The following SNX16 variants were observed in gnomAD, a reference collection of about 807,000 sequenced individuals.
The protein encoded by SNX16 is sorting nexin-16.
A neutral mutation model predicts 36.7 loss-of-function variants in SNX16; 35 were observed. That is an observed-to-expected ratio of 0.95 (90% confidence interval 0.73 to 1.27). SNX16 has a LOEUF of 1.27. Ranked by LOEUF, SNX16 falls within the 50% of genes most tolerant of loss-of-function variation. The pLI is 0.00. For synonymous variants in SNX16, 134 were observed against 132.0 expected, an observed-to-expected ratio of 1.02 and a Z score of -0.10; for missense variants, 367 against 393.6, an observed-to-expected ratio of 0.93 and a Z score of 0.57.
chr8:81,813,529 AAG>A (rs140676724), intron 5 of SNX16, among the ~76,000 whole-genome samples: 37,003 of 151,528 alleles, frequency 0.24, 5,113 homozygotes, highest in East Asian at 0.37. Context: ...GGGTTAGGCA[AAG>A]AGTTTTTATA....
At chr8:81,818,087 T>C (rs1455228412) in intron 4 of SNX16, among the ~76,000 whole-genome samples, 6 of 152,052 alleles carry the variant, frequency 3.9e-5, no homozygotes, top group Non-Finnish European at 8.8e-5. Context: ...GTTTAAAGAG[T>C]TTTACCGTAT....
chr8:81,802,005 T>G (rs897725488), intron 7 of SNX16, among the ~76,000 whole-genome samples: 14 of 151,706 alleles, frequency 9.2e-5, no homozygotes, highest in African/African-American at 2.9e-4. Flanking sequence ...GTAAGAAGGG[T>G]GGTTTGCTAT....
chr8:81,810,293 G>A (rs1810176855), intron 5 of SNX16, among the ~76,000 whole-genome samples: 1 of 152,056 alleles, frequency 6.6e-6, no homozygotes, highest in South Asian at 2.1e-4. Context: ...AAGTATATGA[G>A]GGGTAGAAAT....
chr8:81,800,959 T>C lies in SNX16; in HGVS notation c.*538A>G, dbSNP rs1372482809. On this transcript the variant is annotated 3_prime_UTR_variant, in exon 8 of 8. Transcript: ENST00000345957. ...AGAAAGTCATTTTTCTAAAGAGCAT[T>C]AACATTTCAAATAAGCAAATTTTAT... The C allele has an allele frequency of 6.6e-6, 1 of 152,180 alleles. No individual in the cohort carries two copies. Among genetic ancestry groups the C allele is most frequent in the Non-Finnish European group, 1.5e-5 (1 of 67,662 alleles). The allele number at this position is 152,180 out of a possible 1,614,324, so 9.4% of individuals were successfully genotyped here.
intron 4 of SNX16, chr8:81,815,623 G>A: frequency 5.4e-6 from 2 of 372,520 alleles, no homozygotes; most frequent in East Asian, 4.9e-5. Context: ...ACAAACTATG[G>A]GGCATAAAAC....
chr8:81,833,170 TTC>T (rs1811343451), intron 2 of SNX16, among the ~76,000 whole-genome samples: 1 of 140,038 alleles, frequency 7.1e-6, no homozygotes, highest in African/African-American at 2.5e-5. Flanking sequence ...TTTCACCTAT[TTC>T]TTTTTTTTTT....
chr8:81,805,151 T>C (rs1320344991), intron 5 of SNX16, among the ~76,000 whole-genome samples: 1 of 151,926 alleles, frequency 6.6e-6, no homozygotes, highest in Non-Finnish European at 1.5e-5. Context: ...CAGAACACTG[T>C]CAACAATAAC....
intron 5 of SNX16, among the ~76,000 whole-genome samples, chr8:81,807,518 C>CAAAAAAAAAAAAAA (rs71268027): frequency 8.1e-5 from 4 of 49,326 alleles, no homozygotes; most frequent in African/African-American, 7.7e-5. Context: ...GACTCTGTCT[C>CAAAAAAAAAAAAAA]AAAAAAAAAA....
Position 81,800,379 on chromosome 8 carries a change from A to C in SNX16, c.*1118T>G, listed in dbSNP as rs1809632645. 6.6e-6 allele frequency: 1 copy of C among 152,146 alleles called. No individual in the cohort carries two copies. Among genetic ancestry groups the C allele is most frequent in the Non-Finnish European group, 1.5e-5 (1 of 67,722 alleles). 9.4% of individuals were successfully genotyped at this position (152,146 alleles called of 1,614,324 possible). Reference sequence around the variant, plus strand: ...GTACACAAAGCTGAAATAAACAAACATTTTTTCATAAAGCTGACTCAAAGA... The same window carrying C: ...GTACACAAAGCTGAAATAAACAAACCTTTTTTCATAAAGCTGACTCAAAGA... On this transcript the variant is annotated 3_prime_UTR_variant, in exon 8 of 8. Coordinates refer to ENST00000345957, the MANE Select transcript of SNX16 (RefSeq NM_152836.3).
At chr8:81,803,040 G>A (rs1432492200) in intron 6 of SNX16, 52 bp downstream of exon 6, 4 of 1,435,550 alleles carry the variant, frequency 2.8e-6, no homozygotes, top group Middle Eastern at 3.6e-4. Flanking sequence ...AGTTAGCCCA[G>A]AGTATTAAGG....
intron 2 of SNX16, among the ~76,000 whole-genome samples, chr8:81,829,785 C>T (rs961078670): frequency 6.6e-6 from 1 of 152,056 alleles, no homozygotes; most frequent in African/African-American, 2.4e-5. Flanking sequence ...GCTTCCAAAA[C>T]ATGATTTATG....
chr8:81,807,164 A>C (rs1809991679), intron 5 of SNX16, among the ~76,000 whole-genome samples: 1 of 152,152 alleles, frequency 6.6e-6, no homozygotes, highest in Non-Finnish European at 1.5e-5. Flanking sequence ...CCAGTTAATA[A>C]GATTATTTAA....
At chr8:81,816,956 AGTTGGCTGATAGCACAGAATAGAACAAGG>A in intron 4 of SNX16, among the ~76,000 whole-genome samples, 1 of 152,210 alleles carries the variant, frequency 6.6e-6, no homozygotes, top group Non-Finnish European at 1.5e-5. Context: ...AGAAAACTGC[AGTTGGCTGATAGCACAGAATAGAACAAGG>A]TCTTCTGATG....
In SNX16 at chr8:81,829,524, C is replaced by T; in HGVS notation, c.376-8G>A. The T allele has an allele frequency of 8.0e-7, 1 of 1,254,026 alleles. No individual in the cohort carries two copies. The highest frequency in any genetic ancestry group is 1.1e-6 in the Non-Finnish European group (1 of 942,366). 77.7% of individuals were successfully genotyped at this position (1,254,026 alleles called of 1,614,324 possible). On this transcript the variant is annotated splice_region_variant and splice_polypyrimidine_tract_variant and intron_variant, in intron 2 of 7. Coordinates refer to ENST00000345957, the MANE Select transcript of SNX16 (RefSeq NM_152836.3). ...TACTAGTATTTTATATACCTATGCA[C>T]AGGAAGAAAAACAGACGGAGAGAAA...
chr8:81,812,890 G>A (rs1030371077), intron 5 of SNX16, among the ~76,000 whole-genome samples: 1 of 151,848 alleles, frequency 6.6e-6, no homozygotes, highest in African/African-American at 2.4e-5. Context: ...GGGAGGAAAC[G>A]GAGAGATATT....
At chr8:81,801,695 A>ACAGT (rs61516400) in intron 7 of SNX16, 102 bp from the exon 8 acceptor site, 9 of 650,036 alleles carry the variant, frequency 1.4e-5, no homozygotes, top group African/African-American at 1.1e-4. Context: ...CCTTATAGAA[A>ACAGT]ATTTACATAC....
At position 81,803,109 on chromosome 8, in the gene SNX16, A is replaced by C. The variant is rs186184806; in HGVS notation, c.801T>G (p.Thr267=). Residue 267 remains threonine (T), a synonymous_variant, in exon 6 of 8, where the codon ACT becomes ACG. Coordinates refer to ENST00000345957, the MANE Select transcript of SNX16 (RefSeq NM_152836.3). ...CAACACACCTGATTCTGTTCTCTAAAGTGTCTATATGAAGTTGCTTCTCAC... is the reference window on the plus strand; with the variant it reads ...CAACACACCTGATTCTGTTCTCTAACGTGTCTATATGAAGTTGCTTCTCAC... The part of the protein sequence containing the change: ...LLSEKQLHID[T]LENRIRTLSL... 19 of 1,608,404 alleles carry C rather than the reference A, an allele frequency of 1.2e-5. No individual in the cohort carries two copies. The highest frequency in any genetic ancestry group is 6.8e-5 in the Admixed American group (4 of 59,060).
chr8:81,815,497 G>A, intron 4 of SNX16, 103 bp from the exon 5 acceptor site: 3 of 783,744 alleles, frequency 3.8e-6, no homozygotes, highest in South Asian at 1.9e-5. Flanking sequence ...TAAACAAGTT[G>A]GTTATGTGTT....
At chr8:81,805,615 G>C (rs1431736403) in intron 5 of SNX16, among the ~76,000 whole-genome samples, 1 of 152,126 alleles carries the variant, frequency 6.6e-6, no homozygotes, top group Non-Finnish European at 1.5e-5. Context: ...ATTTTCAAAA[G>C]TCATGTGATA....
Sources: gnomAD v4.1 joint callset for allele counts (sites outside exome capture counted in the v4.1 genomes callset) on GRCh38, gnomAD v4.1.1 for gene constraint, MANE v1.5 for transcripts, NCBI Gene and HGNC (gene_info 2026-07-23, HGNC 2026-07-21) for gene names.